SORCS3: variants seen among roughly 807,000 people sequenced by gnomAD.
SORCS3 encodes the protein sortilin related VPS10 domain containing receptor 3.
In SORCS3, 57 loss-of-function variants were observed where a neutral mutation model predicts 146.3. The observed-to-expected ratio is 0.39, with a 90% CI of 0.31 to 0.49. The LOEUF is 0.49. Ranked by LOEUF, SORCS3 falls within the 20% of genes least tolerant of loss-of-function variation. SORCS3 has a pLI of 0.92. For missense variants in SORCS3, 1,341 were observed against 1,575.5 expected (o/e 0.85, Z 2.52); for synonymous variants, 653 against 618.5 (o/e 1.06, Z -0.83).
intron 2 of SORCS3, among the ~76,000 whole-genome samples, chr10:104,877,250 A>G (rs2018585925): frequency 6.6e-6 from 1 of 152,100 alleles, no homozygotes; most frequent in Non-Finnish European, 1.5e-5. Flanking sequence ...CCTTCTGGTT[A>G]TCCACATTAT....
chr10:104,865,978 T>C (rs1161829227), intron 2 of SORCS3, among the ~76,000 whole-genome samples: 1 of 152,222 alleles, frequency 6.6e-6, no homozygotes, highest in Non-Finnish European at 1.5e-5. Flanking sequence ...CTGTTCCCCA[T>C]ATTCGTCAGC....
In SORCS3 at chr10:105,127,682, A is replaced by G. The variant is rs768962475; in HGVS notation, c.1213-11715A>G. ...CATTATCTACCCTCAAAGATATTAC[A>G]GTACAGCAAGAGACCCCAAAAGGAC... On this transcript the variant is annotated intron_variant, in intron 7 of 26. Coordinates refer to ENST00000369701, the MANE Select transcript of SORCS3 (RefSeq NM_014978.3). 1.1e-4 allele frequency among the ~76,000 whole-genome samples: 16 copies of G among 152,292 alleles called. No individual in the cohort carries two copies. In the Middle Eastern group the frequency reaches 0.014, roughly 130 times the overall value.
At chr10:104,724,347 T>C (rs2016594611) in intron 1 of SORCS3, among the ~76,000 whole-genome samples, 1 of 152,250 alleles carries the variant, frequency 6.6e-6, no homozygotes, top group Non-Finnish European at 1.5e-5. Flanking sequence ...AGAGATCAGC[T>C]GTTAGTCTGA....
At position 104,921,668 on chromosome 10, in the gene SORCS3, G is replaced by A. The variant is rs187199507; in HGVS notation, c.795+5736G>A. Among the ~76,000 whole-genome samples the A allele has an allele frequency of 7.2e-5, 11 of 152,088 alleles. No individual in the cohort carries two copies. In the East Asian group the frequency reaches 7.7e-4, roughly 11 times the overall value. ...AAGTTTTACTATTAATCTCCTGAGC[G>A]TGGTAGTTTTATCCTCATTTGACAG... On this transcript the variant is annotated intron_variant, in intron 3 of 26. Transcript: ENST00000369701.
intron 7 of SORCS3, among the ~76,000 whole-genome samples, chr10:105,108,904 G>A (rs2055840751): frequency 6.6e-6 from 1 of 152,086 alleles, no homozygotes; most frequent in Non-Finnish European, 1.5e-5. Context: ...CTTCTCACAG[G>A]TGAGTTTGGC....
At chr10:104,956,381 A>C (rs2019490073) in intron 3 of SORCS3, among the ~76,000 whole-genome samples, 1 of 152,148 alleles carries the variant, frequency 6.6e-6, no homozygotes, top group Non-Finnish European at 1.5e-5. Context: ...CATACATCTC[A>C]GCTGTGCAAC....
intron 20 of SORCS3, among the ~76,000 whole-genome samples, chr10:105,242,452 A>ATATATATT (rs1170855568): frequency 2.0e-4 from 16 of 78,058 alleles, no homozygotes; most frequent in South Asian, 9.0e-4. Context: ...ATATATATTT[A>ATATATATT]TATATATTTA....
intron 5 of SORCS3, among the ~76,000 whole-genome samples, chr10:105,076,718 C>G (rs2055591686): frequency 6.6e-6 from 1 of 152,204 alleles, no homozygotes; most frequent in Admixed American, 6.5e-5. Flanking sequence ...CTGTAACTCA[C>G]ACATATGCTG....
At position 104,882,651 on chromosome 10, in the gene SORCS3, C is replaced by T. The variant is rs369386554; in HGVS notation, c.696-33182C>T. 7.9e-5 allele frequency among the ~76,000 whole-genome samples: 12 copies of T among 152,182 alleles called. No individual in the cohort carries two copies. The East Asian group carries it at 1.7e-3, about 22-fold the overall frequency. On this transcript the variant is annotated intron_variant, in intron 2 of 26. Transcript: ENST00000369701. Reference sequence around the variant, plus strand: ...CCAACACTCCTGTTTAGGGAAGATACATCCAGATGGCCACTCCTATACCCA... The same window carrying T: ...CCAACACTCCTGTTTAGGGAAGATATATCCAGATGGCCACTCCTATACCCA...
intron 1 of SORCS3, among the ~76,000 whole-genome samples, chr10:104,768,788 A>G (rs2017212638): frequency 6.6e-6 from 1 of 152,146 alleles, no homozygotes; most frequent in Non-Finnish European, 1.5e-5. Flanking sequence ...TTCTCTGCCT[A>G]ATTAGAGACA....
rs74155016 is a variant in SORCS3, at chr10:104,689,572, A to G, written c.627+47618A>G. Among the ~76,000 whole-genome samples, 1,411 of 152,282 alleles carry G rather than the reference A, an allele frequency of 9.3e-3. 16 individuals are homozygous for G. Among genetic ancestry groups the G allele is most frequent in the African/African-American group, 0.031 (1,283 of 41,552 alleles). On this transcript the variant is annotated intron_variant, in intron 1 of 26. Transcript: ENST00000369701. ...CTCAGCTTAAATGTCACCTTTTCAG[A>G]GTAGCCCTCCCTGACTCCCCTTACA...
intron 20 of SORCS3, among the ~76,000 whole-genome samples, chr10:105,233,128 T>C (rs2056774347): frequency 6.6e-6 from 1 of 152,086 alleles, no homozygotes; most frequent in Non-Finnish European, 1.5e-5. Flanking sequence ...AAAAAAAACT[T>C]TTTAAAGTGA....
intron 5 of SORCS3, among the ~76,000 whole-genome samples, chr10:105,059,331 A>ATACT (rs1327139471): frequency 6.6e-6 from 1 of 152,186 alleles, no homozygotes; most frequent in Admixed American, 6.5e-5. Flanking sequence ...ATGAGATAAT[A>ATACT]TACTTCCGTG....
chr10:104,725,878 C>T (rs539945782), intron 1 of SORCS3, among the ~76,000 whole-genome samples: 2 of 152,314 alleles, frequency 1.3e-5, no homozygotes, highest in Admixed American at 6.5e-5. Context: ...GTCTGTCACC[C>T]GTTTCTTTGA....
At chr10:104,883,946 T>A (rs903809049) in intron 2 of SORCS3, among the ~76,000 whole-genome samples, 2 of 146,750 alleles carry the variant, frequency 1.4e-5, no homozygotes, top group Non-Finnish European at 3.0e-5. Flanking sequence ...TTCAGGAAAC[T>A]TACCTACATC....
At chr10:104,739,564 A>G (rs934820246) in intron 1 of SORCS3, among the ~76,000 whole-genome samples, 4 of 152,202 alleles carry the variant, frequency 2.6e-5, no homozygotes, top group African/African-American at 9.6e-5. Context: ...GACAGAGGCC[A>G]TGTCTACAAC....
At chr10:105,249,212 C>T (rs758254156) in intron 22 of SORCS3, among the ~76,000 whole-genome samples, 1 of 152,266 alleles carries the variant, frequency 6.6e-6, no homozygotes, top group African/African-American at 2.4e-5. Context: ...AGGAGAAACA[C>T]GCTTGGGAAA....
At chr10:104,837,809 T>G (rs1052549005) in intron 1 of SORCS3, among the ~76,000 whole-genome samples, 1 of 152,114 alleles carries the variant, frequency 6.6e-6, no homozygotes, top group Admixed American at 6.5e-5. Flanking sequence ...AGGGCAAGGG[T>G]ACGTTTTTCT....
At position 105,201,192 on chromosome 10, in the gene SORCS3, C is replaced by T. The variant is rs1386638840; in HGVS notation, c.2200C>T (p.Arg734Ter). The T allele has an allele frequency of 5.6e-6, 9 of 1,611,754 alleles. No individual in the cohort carries two copies. Among genetic ancestry groups the T allele is most frequent in the Non-Finnish European group, 7.6e-6 (9 of 1,178,942 alleles). Residue 734 changes from arginine to a stop codon, truncating the protein, a stop_gained, in exon 16 of 27, where the codon CGA (arginine) becomes TGA (stop). Coordinates refer to ENST00000369701, the MANE Select transcript of SORCS3 (RefSeq NM_014978.3). LOFTEE classifies it high-confidence loss of function. ...RKPGAQCALG[R>*]DHSGSVVSEP... is the part of the protein sequence containing the mutation. ...GCCAGGAGCTCAGTGTGCCCTGGGC[C>T]GAGACCACTCAGGATCAGTGGTCTC...
Sources: allele counts gnomAD v4.1 joint callset (sites outside exome capture counted in the v4.1 genomes callset), GRCh38; gene constraint gnomAD v4.1.1; transcripts MANE v1.5; gene names NCBI Gene and HGNC (gene_info 2026-07-23, HGNC 2026-07-21).